The following SV2C variants were observed in gnomAD, a reference collection of about 807,000 sequenced individuals.
SV2C encodes solute carrier family 22 member B3.
Under a neutral mutation model 79.7 loss-of-function variants are expected in SV2C, and 49 were observed. That is an observed-to-expected ratio of 0.61 (90% confidence interval 0.49 to 0.78). SV2C has a LOEUF of 0.78. Among genes scored for constraint, SV2C ranks in the 30% least tolerant of loss-of-function variants. The pLI is 0.00. For missense variants in SV2C, 833 were observed against 912.9 expected, an observed-to-expected ratio of 0.91 and a Z score of 1.13; for synonymous variants, 334 against 333.2, an observed-to-expected ratio of 1.00 and a Z score of -0.03.
chr5:75,993,806 T>C, the SV2C span, among the ~76,000 whole-genome samples: 1 of 152,030 alleles, frequency 6.6e-6, no homozygotes, highest in East Asian at 1.9e-4. Context: ...TCACGTGATG[T>C]CATCCTGGCC....
Position 76,221,369 on chromosome 5 carries a change from A to C in SV2C, c.913+11482A>C, listed in dbSNP as rs1216123165. 2.0e-5 allele frequency among the ~76,000 whole-genome samples: 3 copies of C among 152,330 alleles called. No homozygotes were observed. In the East Asian group the frequency reaches 5.8e-4, roughly 29 times the overall value. On this transcript the variant is annotated intron_variant, in intron 4 of 12. Coordinates refer to ENST00000502798, the MANE Select transcript of SV2C (RefSeq NM_014979.4). ...TACAGTTTAACAAAAATTGGCCCAA[A>C]TTACACAACTTCAGTTTTAGTGCCC...
chr5:75,921,027 T>C, the SV2C span: 1 of 722,556 alleles, frequency 1.4e-6, no homozygotes, highest in Non-Finnish European at 2.5e-6. Flanking sequence ...TCATCCCTAA[T>C]CACCACCCAC....
the SV2C span, among the ~76,000 whole-genome samples, chr5:75,976,181 G>A: frequency 2.0e-5 from 3 of 152,162 alleles, no homozygotes; most frequent in African/African-American, 2.4e-5. Context: ...CAAAAGCACT[G>A]TATCAATGTC....
the SV2C span, among the ~76,000 whole-genome samples, chr5:75,867,887 T>G: frequency 6.6e-6 from 1 of 152,226 alleles, no homozygotes; most frequent in African/African-American, 2.4e-5. Flanking sequence ...GAGTGCATAC[T>G]ATGTGCCAGG....
intron 12 of SV2C, among the ~76,000 whole-genome samples, chr5:76,310,017 C>T (rs1748371870): frequency 6.6e-6 from 1 of 151,018 alleles, no homozygotes; most frequent in Non-Finnish European, 1.5e-5. Flanking sequence ...GATACCTGAG[C>T]TGGGGATAGA....
In SV2C at chr5:76,331,917, T is replaced by C. The variant is rs1462961554; in HGVS notation, c.*6370T>C. The C allele has an allele frequency of 1.3e-5, 2 of 152,170 alleles. No homozygotes were observed. The highest frequency in any genetic ancestry group is 2.9e-5 in the Non-Finnish European group (2 of 68,048). The allele number at this position is 152,170 out of a possible 1,614,324, so 9.4% of individuals were successfully genotyped here. On this transcript the variant is annotated 3_prime_UTR_variant, in exon 13 of 13. Coordinates refer to ENST00000502798, the MANE Select transcript of SV2C (RefSeq NM_014979.4). ...TTGCTTTTCAGTGCCTGTGCCCTGA[T>C]AGGATGGGCACAGCTGGTATGGAAT...
At chr5:76,142,300 G>C (rs913065068) in intron 2 of SV2C, among the ~76,000 whole-genome samples, 8 of 152,146 alleles carry the variant, frequency 5.3e-5, no homozygotes, top group African/African-American at 1.9e-4. Flanking sequence ...AGGAAACAAT[G>C]AGTTTTTCCA....
At chr5:75,928,092 A>G in the SV2C span, among the ~76,000 whole-genome samples, 2 of 152,206 alleles carry the variant, frequency 1.3e-5, no homozygotes, top group African/African-American at 4.8e-5. Context: ...ATTGTGGTAC[A>G]GTATATAACA....
chr5:75,888,627 A>C, the SV2C span, among the ~76,000 whole-genome samples: 1 of 152,178 alleles, frequency 6.6e-6, no homozygotes, highest in East Asian at 1.9e-4. Context: ...TCACTTCTTC[A>C]GAGAGTCCTT....
chr5:76,143,053 C>T (rs1197665245), intron 2 of SV2C, among the ~76,000 whole-genome samples: 2 of 151,946 alleles, frequency 1.3e-5, no homozygotes, highest in Non-Finnish European at 2.9e-5. Flanking sequence ...CCTGCCACCA[C>T]ACCCGGCTAA....
the SV2C span, among the ~76,000 whole-genome samples, chr5:75,955,903 T>C: frequency 6.6e-6 from 1 of 152,058 alleles, no homozygotes; most frequent in East Asian, 1.9e-4. Flanking sequence ...ACAACAGGTG[T>C]TGGAGAGGAT....
At chr5:75,943,794 C>T in the SV2C span, among the ~76,000 whole-genome samples, 1 of 152,140 alleles carries the variant, frequency 6.6e-6, no homozygotes, top group Non-Finnish European at 1.5e-5. Flanking sequence ...CTTGGAGGTG[C>T]CAGGACTCTA....
intron 4 of SV2C, among the ~76,000 whole-genome samples, chr5:76,272,762 A>T (rs1313251565): frequency 6.6e-6 from 1 of 152,196 alleles, no homozygotes; most frequent in East Asian, 1.9e-4. Flanking sequence ...TAGTATTCCA[A>T]CTTTCTACCC....
chr5:76,323,278 A>G (rs1748888434), intron 12 of SV2C, among the ~76,000 whole-genome samples: 1 of 152,252 alleles, frequency 6.6e-6, no homozygotes, highest in African/African-American at 2.4e-5. Context: ...CAACAAACAT[A>G]TGAAGAAAAG....
the SV2C span, among the ~76,000 whole-genome samples, chr5:75,988,130 C>T: frequency 2.0e-4 from 30 of 152,124 alleles, no homozygotes; most frequent in African/African-American, 7.2e-4. Context: ...TGTGCACACA[C>T]ACACATATAC....
intron 1 of SV2C, among the ~76,000 whole-genome samples, chr5:76,091,481 G>T (rs1027286213): frequency 8.5e-5 from 13 of 152,180 alleles, no homozygotes; most frequent in African/African-American, 2.9e-4. Flanking sequence ...CTTGGTTCCA[G>T]TGTTGTGGAA....
chr5:76,178,228 C>T (rs1743602892), intron 2 of SV2C, among the ~76,000 whole-genome samples: 1 of 152,152 alleles, frequency 6.6e-6, no homozygotes, highest in Non-Finnish European at 1.5e-5. Flanking sequence ...TTCTGTCATA[C>T]ACTATTCATT....
intron 3 of SV2C, among the ~76,000 whole-genome samples, chr5:76,208,213 A>G (rs557623067): frequency 1.3e-5 from 2 of 152,376 alleles, no homozygotes; most frequent in East Asian, 1.9e-4. Flanking sequence ...TTATATATGT[A>G]TATTATACAT....
chr5:76,169,810 T>C (rs1743159099), intron 2 of SV2C, among the ~76,000 whole-genome samples: 1 of 152,166 alleles, frequency 6.6e-6, no homozygotes, highest in African/African-American at 2.4e-5. Context: ...GCCAGATCAT[T>C]TGGCCAGCTG....
Sources: allele counts gnomAD v4.1 joint callset (sites outside exome capture counted in the v4.1 genomes callset), GRCh38; gene constraint gnomAD v4.1.1; transcripts MANE v1.5; gene names NCBI Gene and HGNC (gene_info 2026-07-23, HGNC 2026-07-21).